Variants in KCNQ5 observed in about 807,000 individuals in gnomAD.
The protein encoded by KCNQ5 is potassium voltage-gated channel subfamily KQT member 5.
KCNQ5 carries 30 observed loss-of-function variants against 98.2 expected under a neutral mutation model. The observed-to-expected ratio is 0.31, with a 90% CI of 0.23 to 0.41. The LOEUF (loss-of-function observed/expected upper bound fraction) is 0.41. Ranked by LOEUF, KCNQ5 falls within the 10% of genes least tolerant of loss-of-function variation. The pLI is 1.00. For missense variants in KCNQ5, 835 were observed against 1,182.5 expected (o/e 0.71, Z 4.31); for synonymous variants, 458 against 449.4 (o/e 1.02, Z -0.24).
chr6:73,120,456 T>C (rs769020698), intron 7 of KCNQ5, 27 bp from the exon 8 acceptor site: 4 of 1,520,228 alleles, frequency 2.6e-6, no homozygotes, highest in South Asian at 1.2e-5. Context: ...TTTTTCTTTT[T>C]CATGTCCCCA....
chr6:72,974,744 C>CA, intron 1 of KCNQ5, among the ~76,000 whole-genome samples: 1 of 144,916 alleles, frequency 6.9e-6, no homozygotes, highest in Non-Finnish European at 1.5e-5. Context: ...ACACTTTCTA[C>CA]TTTTTTTTTT....
rs75621474 is a variant in KCNQ5 at position 72,687,117 on chromosome 6, G to T, written c.398+64530G>T. ...CTATAAATTACATTTATATAGTGAA[G>T]ATGAGTTACCTTGAGCAGCCAGAAG... On this transcript the variant is annotated intron_variant, in intron 1 of 13. Coordinates refer to ENST00000370398, the MANE Select transcript of KCNQ5 (RefSeq NM_019842.4). 6.2e-3 allele frequency among the ~76,000 whole-genome samples: 945 copies of T among 152,196 alleles called. 15 individuals carry two copies. The highest frequency in any genetic ancestry group is 0.021 in the African/African-American group (876 of 41,526).
chr6:72,998,846 T>C (rs1445859285), intron 1 of KCNQ5, among the ~76,000 whole-genome samples: 2 of 152,206 alleles, frequency 1.3e-5, no homozygotes, highest in Admixed American at 1.3e-4. Flanking sequence ...CCAAAATGCT[T>C]GCAGAGAGCA....
chr6:72,808,081 A>T (rs1775042042), intron 1 of KCNQ5, among the ~76,000 whole-genome samples: 1 of 152,178 alleles, frequency 6.6e-6, no homozygotes, highest in African/African-American at 2.4e-5. Flanking sequence ...TGGCAGCAGC[A>T]TGGGGAGTTC....
chr6:72,886,226 T>C (rs188846758), intron 1 of KCNQ5, among the ~76,000 whole-genome samples: 169 of 152,206 alleles, frequency 1.1e-3, no homozygotes, highest in Non-Finnish European at 1.9e-3. Flanking sequence ...ATTCCATAAA[T>C]ATGAGTGGGG....
intron 1 of KCNQ5, among the ~76,000 whole-genome samples, chr6:72,755,950 C>T (rs777357190): frequency 6.6e-6 from 1 of 152,164 alleles, no homozygotes; most frequent in Non-Finnish European, 1.5e-5. Flanking sequence ...GCCTCTGCCA[C>T]AGCAGGGACC....
intron 1 of KCNQ5, among the ~76,000 whole-genome samples, chr6:72,973,943 G>C (rs1768026753): frequency 1.3e-5 from 2 of 152,244 alleles, no homozygotes; most frequent in South Asian, 4.1e-4. Context: ...ATTTTTGAAT[G>C]ATAACCTTTA....
chr6:73,124,951 A>T (rs1317049092), intron 9 of KCNQ5, among the ~76,000 whole-genome samples: 2 of 8,328 alleles, frequency 2.4e-4, no homozygotes, highest in African/African-American at 1.0e-3. Flanking sequence ...ATATATATAT[A>T]TATATATATA....
At chr6:72,913,805 C>G (rs1780033220) in intron 1 of KCNQ5, among the ~76,000 whole-genome samples, 1 of 152,142 alleles carries the variant, frequency 6.6e-6, no homozygotes, top group African/African-American at 2.4e-5. Flanking sequence ...GACATGAGAG[C>G]CTTCATAAAG....
intron 1 of KCNQ5, among the ~76,000 whole-genome samples, chr6:72,685,921 A>G (rs559324086): frequency 2.6e-4 from 40 of 152,188 alleles, no homozygotes; most frequent in Non-Finnish European, 4.0e-4. Flanking sequence ...CAAGATGCCA[A>G]CAGATTCAAT....
chr6:73,024,831 C>G (rs1287939483), intron 2 of KCNQ5, among the ~76,000 whole-genome samples: 1 of 152,202 alleles, frequency 6.6e-6, no homozygotes, highest in East Asian at 1.9e-4. Flanking sequence ...AGGCCCTAGC[C>G]TATAAATGTT....
intron 1 of KCNQ5, among the ~76,000 whole-genome samples, chr6:72,643,012 AAAACC>A (rs1457680037): frequency 6.6e-6 from 1 of 152,176 alleles, no homozygotes; most frequent in African/African-American, 2.4e-5. Flanking sequence ...ACAATAATAG[AAAACC>A]AAATATTGCA....
At position 73,032,460 on chromosome 6, in the gene KCNQ5, T is replaced by A. The variant is rs1401488629; in HGVS notation, c.490-9476T>A. 3.9e-5 allele frequency among the ~76,000 whole-genome samples: 6 copies of A among 152,084 alleles called. No individual in the cohort carries two copies. In the East Asian group the frequency reaches 1.2e-3, roughly 29 times the overall value. ...TGAGATTATGGGCATGAACCACTGC[T>A]CCCAGCCTCATGTAGTTCTTAAGAG... On this transcript the variant is annotated intron_variant, in intron 2 of 13. Transcript: ENST00000370398.
chr6:72,769,762 T>C (rs1171956645), intron 1 of KCNQ5, among the ~76,000 whole-genome samples: 2 of 152,146 alleles, frequency 1.3e-5, no homozygotes, highest in African/African-American at 2.4e-5. Flanking sequence ...AAAACAAAGC[T>C]TTGTATAAAG....
intron 11 of KCNQ5, among the ~76,000 whole-genome samples, chr6:73,185,421 A>G (rs747872144): frequency 2.0e-5 from 3 of 152,130 alleles, no homozygotes; most frequent in Non-Finnish European, 2.9e-5. Flanking sequence ...GGCTCAAGCA[A>G]TCCTCCCTCC....
chr6:73,042,287 G>T (rs4708015), intron 3 of KCNQ5: 10 of 551,824 alleles, frequency 1.8e-5, no homozygotes, highest in Non-Finnish European at 2.9e-5. Context: ...AGAATTTGAG[G>T]CAAAGAGAGA....
At chr6:72,969,438 T>A (rs1767766979) in intron 1 of KCNQ5, among the ~76,000 whole-genome samples, 1 of 152,204 alleles carries the variant, frequency 6.6e-6, no homozygotes. Flanking sequence ...CAATTTCATA[T>A]GGTTGAACCT....
intron 1 of KCNQ5, among the ~76,000 whole-genome samples, chr6:72,816,717 T>G (rs1293332489): frequency 1.3e-5 from 2 of 152,210 alleles, no homozygotes; most frequent in Non-Finnish European, 2.9e-5. Context: ...CATTTTGTAA[T>G]CCAGTCATGT....
At chr6:73,060,822 C>T (rs1772744899) in intron 3 of KCNQ5, among the ~76,000 whole-genome samples, 1 of 152,156 alleles carries the variant, frequency 6.6e-6, no homozygotes, top group Non-Finnish European at 1.5e-5. Flanking sequence ...AAAGCATTCT[C>T]TCACCTATCA....
Sources: gnomAD v4.1 joint callset for allele counts (sites outside exome capture counted in the v4.1 genomes callset) on GRCh38, gnomAD v4.1.1 for gene constraint, MANE v1.5 for transcripts, NCBI Gene and HGNC (gene_info 2026-07-23, HGNC 2026-07-21) for gene names.